SLC4A4: variants seen among roughly 807,000 people sequenced by gnomAD.
SLC4A4 encodes electrogenic sodium bicarbonate cotransporter 1.
SLC4A4 carries 27 observed loss-of-function variants against 111.5 expected under a neutral mutation model. The ratio of observed to expected loss-of-function variants is 0.24; its 90% confidence interval spans 0.18 to 0.33. SLC4A4 has a LOEUF of 0.33. Ranked by LOEUF, SLC4A4 falls within the 10% of genes least tolerant of loss-of-function variation. The pLI, the probability that SLC4A4 is intolerant of heterozygous loss-of-function variation, is 1.00. For synonymous variants in SLC4A4, 443 were observed against 463.4 expected (o/e 0.96, Z 0.57); for missense variants, 909 against 1,315.5 (o/e 0.69, Z 4.78).
At chr4:71,142,383 A>G (rs1421540316) in intron 2 of SLC4A4, among the ~76,000 whole-genome samples, 1 of 152,214 alleles carries the variant, frequency 6.6e-6, no homozygotes, top group Non-Finnish European at 1.5e-5. Flanking sequence ...GGCTAAAGTA[A>G]TCTTTCTGGG....
chr4:71,216,601 T>C (rs1056877837), intron 1 of SLC4A4, among the ~76,000 whole-genome samples: 1 of 152,184 alleles, frequency 6.6e-6, no homozygotes. Context: ...GCTCCTCTTA[T>C]CCTTTATTTT....
intron 7 of SLC4A4, among the ~76,000 whole-genome samples, chr4:71,403,555 G>T (rs918330149): frequency 1.3e-5 from 2 of 152,144 alleles, no homozygotes; most frequent in African/African-American, 4.8e-5. Flanking sequence ...GTAAGGAGAG[G>T]ATCTGGTGAG....
chr4:71,169,867 G>T (rs779533165), intron 2 of SLC4A4, among the ~76,000 whole-genome samples: 28 of 152,148 alleles, frequency 1.8e-4, no homozygotes, highest in Non-Finnish European at 7.4e-5. Flanking sequence ...ATTGCACTTG[G>T]AATAAGATCT....
chr4:71,125,200 A>C (rs2148958747), intron 2 of SLC4A4, among the ~76,000 whole-genome samples: 1 of 152,360 alleles, frequency 6.6e-6, no homozygotes, highest in South Asian at 2.1e-4. Context: ...ATTGTAGAGA[A>C]TAGTAATTGC....
At chr4:71,474,591 C>T (rs1347117389) in intron 14 of SLC4A4, among the ~76,000 whole-genome samples, 1 of 151,834 alleles carries the variant, frequency 6.6e-6, no homozygotes, top group Non-Finnish European at 1.5e-5. Context: ...CACTACTTCC[C>T]TCACAATAGG....
rs184593785 is a variant in SLC4A4 at position 71,424,800 on chromosome 4, G to A, written c.808-15816G>A. On this transcript the variant is annotated intron_variant, in intron 7 of 25. Transcript: ENST00000264485. ...GGTGGGAATTGAACAATGAGAACAC[G>A]TGGACACAGGAAGGGGAACATCACA... 2.2e-3 allele frequency among the ~76,000 whole-genome samples: 336 copies of A among 151,946 alleles called. 1 individual carries two copies. The highest frequency in any genetic ancestry group is 0.01 in the Middle Eastern group (3 of 294).
At chr4:71,346,352 G>A (rs1257887643) in intron 4 of SLC4A4, among the ~76,000 whole-genome samples, 2 of 152,004 alleles carry the variant, frequency 1.3e-5, no homozygotes, top group Non-Finnish European at 2.9e-5. Context: ...TCTGTAACAT[G>A]TCAAGTACTG....
intron 3 of SLC4A4, among the ~76,000 whole-genome samples, chr4:71,315,753 C>T (rs538359978): frequency 1.3e-5 from 2 of 152,144 alleles, no homozygotes; most frequent in South Asian, 2.1e-4. Context: ...TGGGTGGATG[C>T]CTTAGTTATT....
chr4:71,122,327 A>G (rs1180057263), intron 2 of SLC4A4, among the ~76,000 whole-genome samples: 2 of 151,952 alleles, frequency 1.3e-5, no homozygotes, highest in Non-Finnish European at 2.9e-5. Flanking sequence ...AAAAAAAAAA[A>G]AAAAAAAAAT....
chr4:71,546,573 A>C (rs1299554854), intron 19 of SLC4A4, 45 bp downstream of exon 19: 2 of 1,514,722 alleles, frequency 1.3e-6, no homozygotes, highest in African/African-American at 2.7e-5. Context: ...CACACTGTGC[A>C]CACATCTATG....
chr4:71,556,265 G>A (rs952509810), intron 21 of SLC4A4, among the ~76,000 whole-genome samples: 1 of 151,904 alleles, frequency 6.6e-6, no homozygotes, highest in African/African-American at 2.4e-5. Flanking sequence ...TTCATAGAGT[G>A]GACTAGATGA....
chr4:71,510,674 T>C (rs1358534721), intron 16 of SLC4A4, among the ~76,000 whole-genome samples: 2 of 152,174 alleles, frequency 1.3e-5, no homozygotes, highest in African/African-American at 4.8e-5. Context: ...CATTCAGCCA[T>C]TCTGTCTTTT....
upstream of SLC4A4, among the ~76,000 whole-genome samples, chr4:71,182,644 G>A (rs1241148113): frequency 6.6e-6 from 1 of 152,146 alleles, no homozygotes; most frequent in Non-Finnish European, 1.5e-5. Flanking sequence ...CAGGAAGCCA[G>A]TGGGATACAA....
rs751295804 is a variant in SLC4A4, at chr4:71,450,445, T to C, written c.1110T>C (p.Ile370=). Residue 370 remains isoleucine, a synonymous_variant, in exon 10 of 26, where the codon ATT becomes ATC. Transcript: ENST00000264485. Reference sequence around the variant, plus strand: ...ACAGGCACGACCTGATTGCTGGTATTGATGAGTTCCTAGATGAAGTCATCG... The same window carrying C: ...ACAGGCACGACCTGATTGCTGGTATCGATGAGTTCCTAGATGAAGTCATCG... The part of the protein sequence containing the change: ...AKDRHDLIAG[I]DEFLDEVIVL... The C allele has an allele frequency of 6.8e-6, 11 of 1,611,616 alleles. No homozygotes were observed. In the Admixed American group the frequency reaches 8.3e-5, roughly 12 times the overall value.
At chr4:71,288,586 A>G (rs1184115100) in intron 3 of SLC4A4, among the ~76,000 whole-genome samples, 6 of 151,934 alleles carry the variant, frequency 3.9e-5, no homozygotes, top group African/African-American at 1.2e-4. Flanking sequence ...TTTAGTAGAG[A>G]CGAGGTTTCA....
chr4:71,546,092 A>G (rs959005437), intron 18 of SLC4A4, among the ~76,000 whole-genome samples: 2 of 152,094 alleles, frequency 1.3e-5, no homozygotes, highest in Non-Finnish European at 2.9e-5. Context: ...TAATAAGTGT[A>G]TCTTTGACTT....
At position 71,203,062 on chromosome 4, in the gene SLC4A4, T is replaced by C. The variant is rs777883006; in HGVS notation, c.-2+15661T>C. ...AGTTCCACATTTTGGCGGAGGGTGG[T>C]GTTTGGGAAGAGTGAATATGGATAA... On this transcript the variant is annotated intron_variant, in intron 1 of 25. Coordinates refer to ENST00000264485, the MANE Select transcript of SLC4A4 (RefSeq NM_001098484.3). 2.6e-5 allele frequency among the ~76,000 whole-genome samples: 4 copies of C among 152,004 alleles called. No individual in the cohort carries two copies. In the South Asian group the frequency reaches 8.3e-4, roughly 32 times the overall value.
chr4:71,291,051 A>G (rs952747012), intron 3 of SLC4A4, among the ~76,000 whole-genome samples: 3 of 152,370 alleles, frequency 2.0e-5, no homozygotes, highest in Admixed American at 2.0e-4. Context: ...TCCAAATTTA[A>G]TGACCTACAG....
At position 71,373,737 on chromosome 4, in the gene SLC4A4, G is replaced by A. The variant is rs374951434; in HGVS notation, c.730+16550G>A. 9.2e-5 allele frequency among the ~76,000 whole-genome samples: 14 copies of A among 152,310 alleles called. 1 individual carries two copies. Among genetic ancestry groups the A allele is most frequent in the Middle Eastern group, 6.8e-3 (2 of 294 alleles). On this transcript the variant is annotated intron_variant, in intron 6 of 25. Transcript: ENST00000264485. ...TTTGAGTGGGAATCAGTTAGGAGAT[G>A]ATTTCAGTAGACCAGTGCTGGAAAA...
Sources: gnomAD v4.1 joint callset for allele counts (sites outside exome capture counted in the v4.1 genomes callset) on GRCh38, gnomAD v4.1.1 for gene constraint, MANE v1.5 for transcripts, NCBI Gene and HGNC (gene_info 2026-07-23, HGNC 2026-07-21) for gene names.